The following CYP2C8 variants were observed in gnomAD, a reference collection of about 807,000 sequenced individuals.
The protein encoded by CYP2C8 is cytochrome P450 2C8.
Under a neutral mutation model 41.3 loss-of-function variants are expected in CYP2C8, and 51 were observed. The ratio of observed to expected loss-of-function variants is 1.24; its 90% CI spans 0.99 to 1.56. The LOEUF (loss-of-function observed/expected upper bound fraction) is 1.56. CYP2C8 is among the 40% of genes most tolerant of loss of function. The pLI is 0.00. For synonymous variants in CYP2C8, 218 were observed against 205.8 expected (o/e 1.06, Z -0.51); for missense variants, 651 against 579.9 (o/e 1.12, Z -1.26).
At chr10:95,041,036 A>T in intron 7 of CYP2C8, 4 of 454,514 alleles carry the variant, frequency 8.8e-6, no homozygotes, top group South Asian at 6.2e-5. Context: ...AACAATAAGT[A>T]ACAGAACAAA....
chr10:95,053,761 G>A (rs2033257070), intron 5 of CYP2C8, among the ~76,000 whole-genome samples: 1 of 151,928 alleles, frequency 6.6e-6, no homozygotes, highest in South Asian at 2.1e-4. Context: ...ACCAGGGCCT[G>A]TTGGGGGGTG....
chr10:95,067,458 CT>C (rs1447352034), intron 2 of CYP2C8, 70 bp downstream of exon 2: 1 of 1,613,172 alleles, frequency 6.2e-7, no homozygotes, highest in East Asian at 2.2e-5. Context: ...TGCTGAGAAG[CT>C]TTTTAGGGCT....
chr10:95,059,062 G>T (rs2033369616), intron 4 of CYP2C8, among the ~76,000 whole-genome samples: 1 of 152,210 alleles, frequency 6.6e-6, no homozygotes, highest in South Asian at 2.1e-4. Flanking sequence ...ATTTGGCTTG[G>T]TTCCAAGTCT....
intron 5 of CYP2C8, among the ~76,000 whole-genome samples, chr10:95,047,062 A>G (rs1422527243): frequency 6.6e-6 from 1 of 151,990 alleles, no homozygotes; most frequent in African/African-American, 2.4e-5. Context: ...GTTTTTTAAA[A>G]CTGTTTCCCC....
intron 3 of CYP2C8, among the ~76,000 whole-genome samples, chr10:95,065,368 A>C (rs992445178): frequency 6.6e-6 from 1 of 152,236 alleles, no homozygotes; most frequent in Non-Finnish European, 1.5e-5. Flanking sequence ...TAGAAATGTC[A>C]TATAGCTGAA....
At chr10:95,055,535 A>AT (rs1172347652) in intron 5 of CYP2C8, among the ~76,000 whole-genome samples, 6 of 76,246 alleles carry the variant, frequency 7.9e-5, no homozygotes, top group East Asian at 2.5e-4. Flanking sequence ...AGAATAAAAC[A>AT]TCGGTTAAAT....
At chr10:95,054,499 G>T (rs2033275355) in intron 5 of CYP2C8, among the ~76,000 whole-genome samples, 1 of 152,020 alleles carries the variant, frequency 6.6e-6, no homozygotes, top group Non-Finnish European at 1.5e-5. Flanking sequence ...AGGGGGAAAA[G>T]ATCCAAGTAT....
chr10:95,055,810 C>G (rs1033525845), intron 5 of CYP2C8, among the ~76,000 whole-genome samples: 1 of 152,080 alleles, frequency 6.6e-6, no homozygotes, highest in Non-Finnish European at 1.5e-5. Flanking sequence ...AAGCAAAGGG[C>G]CAGGTGTGGT....
At chr10:95,042,829 C>A in intron 7 of CYP2C8, 61 bp downstream of exon 7, 2 of 1,466,184 alleles carry the variant, frequency 1.4e-6, no homozygotes, top group Admixed American at 1.7e-5. Context: ...GGGTTGGAAC[C>A]AAACCAGCAC....
chr10:95,059,093 A>G (rs935202907), intron 4 of CYP2C8, among the ~76,000 whole-genome samples: 3 of 152,158 alleles, frequency 2.0e-5, no homozygotes, highest in Non-Finnish European at 2.9e-5. Flanking sequence ...GAATAGTGCC[A>G]CAATAAACAT....
At chr10:95,050,760 A>T (rs1437120411) in intron 5 of CYP2C8, among the ~76,000 whole-genome samples, 1 of 152,104 alleles carries the variant, frequency 6.6e-6, no homozygotes, top group Non-Finnish European at 1.5e-5. Context: ...CACTTAACTC[A>T]TTTCCCATTT....
chr10:95,053,255 G>C (rs141456520), intron 5 of CYP2C8, among the ~76,000 whole-genome samples: 386 of 152,232 alleles, frequency 2.5e-3, no homozygotes, highest in African/African-American at 8.9e-3. Flanking sequence ...TCATTAAAAA[G>C]TCAGGAAACA....
intron 1 of CYP2C8, among the ~76,000 whole-genome samples, chr10:95,068,116 C>T (rs915949920): frequency 6.6e-6 from 1 of 152,222 alleles, no homozygotes; most frequent in Non-Finnish European, 1.5e-5. Context: ...CTTGAGGCCA[C>T]TACCCAGCTA....
intron 5 of CYP2C8, among the ~76,000 whole-genome samples, chr10:95,048,497 G>A (rs978568149): frequency 4.6e-5 from 7 of 152,330 alleles, no homozygotes; most frequent in African/African-American, 1.4e-4. Flanking sequence ...AATAGGTTTA[G>A]TGTGGTAATT....
intron 5 of CYP2C8, among the ~76,000 whole-genome samples, chr10:95,051,913 C>A (rs538938251): frequency 6.6e-6 from 1 of 151,658 alleles, no homozygotes; most frequent in Non-Finnish European, 1.5e-5. Flanking sequence ...TAAAAAACTA[C>A]GAAAGCTGGA....
intron 3 of CYP2C8, among the ~76,000 whole-genome samples, chr10:95,066,699 C>T (rs1288497940): frequency 2.0e-5 from 3 of 152,062 alleles, no homozygotes; most frequent in Admixed American, 6.6e-5. Context: ...GAGCTGTAGG[C>T]ATGGACCTGG....
At chr10:95,050,713 T>G (rs529463616) in intron 5 of CYP2C8, among the ~76,000 whole-genome samples, 1 of 152,318 alleles carries the variant, frequency 6.6e-6, no homozygotes, top group South Asian at 2.1e-4. Flanking sequence ...TTATTGGGCT[T>G]GGAGTGCCCC....
rs940813337 is a variant in CYP2C8 at position 95,059,920 on chromosome 10, T to C, written c.643-1409A>G. 1.6e-4 allele frequency among the ~76,000 whole-genome samples: 25 copies of C among 152,318 alleles called. 2 individuals carry two copies. The highest frequency in any genetic ancestry group is 5.5e-4 in the African/African-American group (23 of 41,576). ...TAGGGAATCCTTTCCCCATTTCTTGTTTTTGTCAGGTTTGTCAAAGATCAG... is the reference window on the plus strand; with the variant it reads ...TAGGGAATCCTTTCCCCATTTCTTGCTTTTGTCAGGTTTGTCAAAGATCAG... On this transcript the variant is annotated intron_variant, in intron 4 of 8. Transcript: ENST00000371270.
At chr10:95,060,947 A>G (rs553548980) in intron 4 of CYP2C8, among the ~76,000 whole-genome samples, 1 of 152,292 alleles carries the variant, frequency 6.6e-6, no homozygotes, top group South Asian at 2.1e-4. Flanking sequence ...GATTACATTT[A>G]CTGATTTGCG....
Sources: gnomAD v4.1 joint callset for allele counts (sites outside exome capture counted in the v4.1 genomes callset) on GRCh38, gnomAD v4.1.1 for gene constraint, MANE v1.5 for transcripts, NCBI Gene and HGNC (gene_info 2026-07-23, HGNC 2026-07-21) for gene names.